Variants in STXBP4 observed in about 807,000 individuals in gnomAD.
STXBP4 encodes syntaxin-binding protein 4.
In STXBP4, 55 loss-of-function variants were observed where a neutral mutation model predicts 76.1. The ratio of observed to expected loss-of-function variants is 0.72; its 90% CI spans 0.58 to 0.91. The LOEUF is 0.91. STXBP4 is among the 40% of genes least tolerant of loss of function. The pLI is 0.00. For synonymous variants in STXBP4, 201 were observed against 220.2 expected (o/e 0.91, Z 0.77); for missense variants, 618 against 636.9 (o/e 0.97, Z 0.32).
chr17:54,998,780 G>A (rs897472284), intron 4 of STXBP4, among the ~76,000 whole-genome samples: 8 of 152,078 alleles, frequency 5.3e-5, no homozygotes, highest in Non-Finnish European at 1.5e-5. Flanking sequence ...GAGCCCAGGA[G>A]TTTGAGACCA....
the STXBP4 span, among the ~76,000 whole-genome samples, chr17:55,207,199 C>T: frequency 1.3e-5 from 2 of 152,188 alleles, no homozygotes; most frequent in African/African-American, 4.8e-5. Flanking sequence ...ACTTGTCAAA[C>T]TGCTGACTCT....
chr17:54,995,412 T>C (rs145323934), intron 4 of STXBP4, among the ~76,000 whole-genome samples: 43 of 152,374 alleles, frequency 2.8e-4, no homozygotes, highest in African/African-American at 1.0e-3. Flanking sequence ...AATCTGATAG[T>C]ATATTTCATA....
chr17:54,983,824 T>C (rs924029473), intron 1 of STXBP4, among the ~76,000 whole-genome samples: 1 of 152,232 alleles, frequency 6.6e-6, no homozygotes, highest in Non-Finnish European at 1.5e-5. Flanking sequence ...AGTTTTAGAA[T>C]TGAACTCTCT....
chr17:55,191,069 A>G, the STXBP4 span, among the ~76,000 whole-genome samples: 1 of 152,122 alleles, frequency 6.6e-6, no homozygotes, highest in South Asian at 2.1e-4. Context: ...GTATCTTCAT[A>G]TTCCAATTTT....
chr17:55,079,046 C>A (rs529988005), intron 15 of STXBP4, among the ~76,000 whole-genome samples: 1 of 152,112 alleles, frequency 6.6e-6, no homozygotes, highest in Non-Finnish European at 1.5e-5. Flanking sequence ...AATTGTCTTG[C>A]GTATGAATCA....
At chr17:55,071,294 T>G (rs1016188746) in intron 12 of STXBP4, among the ~76,000 whole-genome samples, 1 of 152,148 alleles carries the variant, frequency 6.6e-6, no homozygotes, top group African/African-American at 2.4e-5. Flanking sequence ...CCTCTGCCAC[T>G]TCACTCTACC....
At chr17:55,129,932 A>G (rs1292274786) in intron 16 of STXBP4, among the ~76,000 whole-genome samples, 2 of 152,180 alleles carry the variant, frequency 1.3e-5, no homozygotes, top group African/African-American at 2.4e-5. Context: ...CCTGACCTAC[A>G]TGAGCCTTTA....
chr17:55,211,100 C>CG, the STXBP4 span, among the ~76,000 whole-genome samples: 9 of 152,102 alleles, frequency 5.9e-5, no homozygotes, highest in African/African-American at 2.2e-4. Flanking sequence ...AATGCCCCCC[C>CG]CCATGAAATT....
chr17:55,134,343 G>A (rs1749385096), intron 16 of STXBP4, among the ~76,000 whole-genome samples: 1 of 151,998 alleles, frequency 6.6e-6, no homozygotes, highest in African/African-American at 2.4e-5. Context: ...AATGTATTAT[G>A]AGATAACCAT....
chr17:55,116,258 A>T (rs1311981420), intron 16 of STXBP4, among the ~76,000 whole-genome samples: 1 of 151,860 alleles, frequency 6.6e-6, no homozygotes, highest in Non-Finnish European at 1.5e-5. Flanking sequence ...ATGTTTTATC[A>T]TCGAAATATG....
At chr17:54,997,511 A>C (rs2077822256) in intron 4 of STXBP4, among the ~76,000 whole-genome samples, 1 of 140,372 alleles carries the variant, frequency 7.1e-6, no homozygotes. Flanking sequence ...TAAAATCAAA[A>C]ATTTTTTTTA....
the STXBP4 span, among the ~76,000 whole-genome samples, chr17:55,179,209 C>G: frequency 6.6e-6 from 1 of 152,002 alleles, no homozygotes; most frequent in South Asian, 2.1e-4. Context: ...TAATTCATGG[C>G]AAGAGTTACT....
chr17:54,978,130 A>G (rs1466115309), intron 1 of STXBP4, among the ~76,000 whole-genome samples: 1 of 152,174 alleles, frequency 6.6e-6, no homozygotes, highest in Admixed American at 6.5e-5. Flanking sequence ...CCCTCAAAAA[A>G]CATTGGGAGA....
At chr17:55,201,793 G>A in the STXBP4 span, among the ~76,000 whole-genome samples, 1 of 152,164 alleles carries the variant, frequency 6.6e-6, no homozygotes, top group African/African-American at 2.4e-5. Flanking sequence ...TTTGAGCAGA[G>A]AACTATGCTC....
intron 16 of STXBP4, among the ~76,000 whole-genome samples, chr17:55,119,709 A>T (rs1385524081): frequency 6.6e-6 from 1 of 152,010 alleles, no homozygotes; most frequent in African/African-American, 2.4e-5. Context: ...TATGACACTG[A>T]CAGTAAATCT....
chr17:55,095,436 GT>G (rs2079472696), intron 16 of STXBP4, among the ~76,000 whole-genome samples: 1 of 152,130 alleles, frequency 6.6e-6, no homozygotes, highest in Non-Finnish European at 1.5e-5. Flanking sequence ...CTTATTTTGG[GT>G]TAGTGGAATA....
chr17:55,120,254 A>G (rs1039535447), intron 16 of STXBP4, among the ~76,000 whole-genome samples: 1 of 152,188 alleles, frequency 6.6e-6, no homozygotes, highest in African/African-American at 2.4e-5. Flanking sequence ...TTTATCAATA[A>G]TGTTTTCAAA....
chr17:54,981,455 G>C (rs987236585), intron 1 of STXBP4, among the ~76,000 whole-genome samples: 9 of 152,078 alleles, frequency 5.9e-5, no homozygotes, highest in African/African-American at 2.2e-4. Flanking sequence ...TGTATATGAT[G>C]AAAGTTGTAT....
intron 16 of STXBP4, among the ~76,000 whole-genome samples, chr17:55,097,418 C>CT (rs1433313392): frequency 2.0e-5 from 3 of 152,212 alleles, no homozygotes; most frequent in African/African-American, 7.2e-5. Flanking sequence ...AATCCCAGCA[C>CT]TTTGGGGGGC....
Sources: allele counts gnomAD v4.1 joint callset (sites outside exome capture counted in the v4.1 genomes callset), GRCh38; gene constraint gnomAD v4.1.1; transcripts MANE v1.5; gene names NCBI Gene and HGNC (gene_info 2026-07-23, HGNC 2026-07-21).